RAP1GAP2: variants seen among roughly 807,000 people sequenced by gnomAD.
The protein encoded by RAP1GAP2 is rap1 GTPase-activating protein 2.
RAP1GAP2 carries 27 observed loss-of-function variants against 95.0 expected under a neutral mutation model. The ratio of observed to expected loss-of-function variants is 0.28; its 90% CI spans 0.21 to 0.39. RAP1GAP2 has a LOEUF of 0.39. Among genes scored for constraint, RAP1GAP2 ranks in the 10% least tolerant of loss-of-function variants. The pLI is 1.00. For missense variants in RAP1GAP2, 771 were observed against 970.0 expected (o/e 0.79, Z 2.72); for synonymous variants, 373 against 380.9 (o/e 0.98, Z 0.24).
intron 2 of RAP1GAP2, among the ~76,000 whole-genome samples, chr17:2,817,889 A>T (rs1330867763): frequency 8.5e-6 from 1 of 116,964 alleles, no homozygotes; most frequent in African/African-American, 2.9e-5. Flanking sequence ...CCAGGCTGGA[A>T]TGTAGGGCAC....
At chr17:2,864,835 C>T (rs1383973940) in intron 2 of RAP1GAP2, among the ~76,000 whole-genome samples, 1 of 152,154 alleles carries the variant, frequency 6.6e-6, no homozygotes, top group Non-Finnish European at 1.5e-5. Flanking sequence ...TGAATTACCT[C>T]CAAACAAAAT....
In RAP1GAP2 at chr17:2,895,356, C is replaced by T. The variant is rs73312062; in HGVS notation, c.81-9928C>T. 5.9e-3 allele frequency among the ~76,000 whole-genome samples: 899 copies of T among 152,294 alleles called. 8 individuals carry two copies. The highest frequency in any genetic ancestry group is 0.021 in the African/African-American group (854 of 41,570). ...AGAGGCAGTGTAGCACCGTGGTAAA[C>T]GCCACAGACCCTGGGGCCAAGCCTG... On this transcript the variant is annotated intron_variant, in intron 2 of 24. Transcript: ENST00000254695.
chr17:2,967,376 C>A (rs531063278), intron 8 of RAP1GAP2, among the ~76,000 whole-genome samples: 1 of 150,906 alleles, frequency 6.6e-6, no homozygotes, highest in South Asian at 2.2e-4. Flanking sequence ...GTCTCAACAA[C>A]AACAACGATG....
At position 2,857,700 on chromosome 17, in the gene RAP1GAP2, C is replaced by T. The variant is rs2072202651; in HGVS notation, c.81-47584C>T. 1.3e-5 allele frequency among the ~76,000 whole-genome samples: 2 copies of T among 152,222 alleles called. No homozygotes were observed. Among genetic ancestry groups the T allele is most frequent in the Admixed American group, 6.5e-5 (1 of 15,280 alleles). ...GCGGTTTGGAAACCACTTTGATTTT[C>T]AGAGCCTGCTTCTTATGGATGTGGG... On this transcript the variant is annotated intron_variant, in intron 2 of 24. Transcript: ENST00000254695. This position sits in a 1 kb window ranked among gnomAD's most constrained non-coding sequence, Gnocchi z 4.0.
rs1257581099 is a variant in RAP1GAP2, at chr17:2,906,106, C to T, written c.165+738C>T. Among the ~76,000 whole-genome samples, 1 of 152,186 alleles carries T rather than the reference C, an allele frequency of 6.6e-6. No homozygotes were observed. The highest frequency in any genetic ancestry group is 6.5e-5 in the Admixed American group (1 of 15,278). ...CTCTCCCTCCCTCCCTCCCTGCCTC[C>T]CTCCTTCCTTCACACTCTGTGGAGT... is the stretch of plus-strand genomic sequence containing the variant. On this transcript the variant is annotated intron_variant, in intron 3 of 24. Transcript: ENST00000254695. The surrounding 1 kb of genome is among the most constrained non-coding windows in gnomAD (Gnocchi z 4.3).
chr17:2,820,877 AC>A (rs1193743206), intron 2 of RAP1GAP2, among the ~76,000 whole-genome samples: 7 of 21,576 alleles, frequency 3.2e-4, no homozygotes, highest in South Asian at 6.7e-3. Context: ...GCCCGCCACC[AC>A]GGCCCGGATA....
chr17:2,944,489 G>A (rs1030764491), intron 3 of RAP1GAP2, among the ~76,000 whole-genome samples: 5 of 151,608 alleles, frequency 3.3e-5, no homozygotes, highest in South Asian at 2.1e-4. Flanking sequence ...CTACTCTGTC[G>A]GTTCATATGC....
At chr17:2,793,839 G>A (rs543727350), upstream of RAP1GAP2, among the ~76,000 whole-genome samples, 13 of 152,194 alleles carry the variant, frequency 8.5e-5, no homozygotes, top group Non-Finnish European at 1.3e-4. Flanking sequence ...GGTGGCTCCC[G>A]CCTGGAATCC....
At chr17:2,897,115 T>C (rs904715699) in intron 2 of RAP1GAP2, among the ~76,000 whole-genome samples, 1 of 152,122 alleles carries the variant, frequency 6.6e-6, no homozygotes, top group Non-Finnish European at 1.5e-5. Flanking sequence ...GGCGGGTAGA[T>C]CGCCTGAGGT....
intron 2 of RAP1GAP2, among the ~76,000 whole-genome samples, chr17:2,860,096 G>C (rs34542660): frequency 3.9e-5 from 6 of 152,158 alleles, no homozygotes; most frequent in Non-Finnish European, 8.8e-5. Flanking sequence ...CTGGACATGA[G>C]GACTGTGCCT....
chr17:2,759,536 C>T (rs1247639061), intron 1 of RAP1GAP2, among the ~76,000 whole-genome samples: 10 of 152,100 alleles, frequency 6.6e-5, no homozygotes, highest in Admixed American at 3.9e-4. Flanking sequence ...CTGCAACCTC[C>T]GCCTCCCAGG....
chr17:2,881,133 C>T (rs924371703), intron 2 of RAP1GAP2, among the ~76,000 whole-genome samples: 6 of 152,024 alleles, frequency 3.9e-5, no homozygotes, highest in Admixed American at 1.3e-4. Context: ...TGGTGGTGCA[C>T]GCCTGTAATC....
chr17:3,011,088 G>A (rs550628405), intron 17 of RAP1GAP2, among the ~76,000 whole-genome samples: 16 of 152,072 alleles, frequency 1.1e-4, no homozygotes, highest in Non-Finnish European at 2.9e-5. Flanking sequence ...CACCACGCCC[G>A]GCTAACTTTT....
At chr17:2,851,529 G>C (rs896186812) in intron 2 of RAP1GAP2, among the ~76,000 whole-genome samples, 1 of 152,132 alleles carries the variant, frequency 6.6e-6, no homozygotes, top group African/African-American at 2.4e-5. Flanking sequence ...GGCAGGGGCA[G>C]AAGGATGGGA....
intron 23 of RAP1GAP2, among the ~76,000 whole-genome samples, chr17:3,031,593 T>A (rs1049796585): frequency 1.4e-5 from 2 of 145,286 alleles, no homozygotes; most frequent in Non-Finnish European, 3.0e-5. Context: ...AATCCCTTCC[T>A]GAGCTCACCA....
At chr17:2,889,871 A>ACG (rs1567746574) in intron 2 of RAP1GAP2, among the ~76,000 whole-genome samples, 2 of 72,220 alleles carry the variant, frequency 2.8e-5, no homozygotes, top group Admixed American at 1.9e-4. Context: ...GTGTATATAT[A>ACG]TATATATATA....
At chr17:2,865,456 G>T (rs2151628280) in intron 2 of RAP1GAP2, among the ~76,000 whole-genome samples, 1 of 152,318 alleles carries the variant, frequency 6.6e-6, no homozygotes, top group Middle Eastern at 3.4e-3. Flanking sequence ...TCTCCTGGCT[G>T]CTGGCCTCAC....
rs2044194465 is a variant in RAP1GAP2, at chr17:2,958,335, C to A, written c.201+541C>A. Among the ~76,000 whole-genome samples the A allele has an allele frequency of 2.6e-5, 4 of 152,238 alleles. No homozygotes were observed. In the South Asian group the frequency reaches 8.3e-4, roughly 32 times the overall value. ...CGGTGTAAATACTTGGTAGACACTA[C>A]ATAAAAGTTGGTGTGTGATGTGGGT... On this transcript the variant is annotated intron_variant, in intron 4 of 24. Transcript: ENST00000254695.
chr17:2,764,637 C>A (rs1199453458), intron 1 of RAP1GAP2, among the ~76,000 whole-genome samples: 8 of 152,266 alleles, frequency 5.3e-5, no homozygotes, highest in Admixed American at 5.2e-4. Flanking sequence ...AGGAGAATTG[C>A]TTGAACCTGG....
Sources: gnomAD v4.1 joint callset for allele counts (sites outside exome capture counted in the v4.1 genomes callset) on GRCh38, gnomAD v4.1.1 for gene constraint, Gnocchi (gnomAD v3.1) non-coding constraint, MANE v1.5 for transcripts, NCBI Gene and HGNC (gene_info 2026-07-23, HGNC 2026-07-21) for gene names.